The following EIF2AK3 variants were observed in gnomAD, a reference collection of about 807,000 sequenced individuals.
EIF2AK3 encodes the protein eukaryotic translation initiation factor 2 alpha kinase 3, also known as eukaryotic translation initiation factor 2-alpha kinase 3.
In EIF2AK3, 50 loss-of-function variants were observed where a neutral mutation model predicts 113.5. The observed-to-expected ratio is 0.44, with a 90% CI of 0.35 to 0.56. The LOEUF (loss-of-function observed/expected upper bound fraction) is 0.56, where lower values mean the gene tolerates loss of function less well. Ranked by LOEUF, EIF2AK3 falls within the 20% of genes least tolerant of loss-of-function variation. The pLI is 0.00. For missense variants in EIF2AK3, 1,185 were observed against 1,378.0 expected, an observed-to-expected ratio of 0.86 and a Z score of 2.22; for synonymous variants, 448 against 495.4, an observed-to-expected ratio of 0.90 and a Z score of 1.27.
Position 88,590,887 on chromosome 2 carries a change from C to A in EIF2AK3, c.933G>T (p.Lys311Asn). The change falls in exon 5 of 17, where the codon AAG (lysine) becomes AAT (asparagine). Residue 311 changes from lysine (K) to asparagine (N), a missense_variant. Around this residue, in one of 3 missense-constraint regions of EIF2AK3, gnomAD observed 877 missense variants for 1,024.2 expected, o/e 0.86. Transcript: ENST00000303236. ...TAACTTTCCAGTCAGCAACCGAAAC[C>A]TTTATCACTATGTCCATTATGGCAG... ...QEAAIMDIVI[K>N]VSVADWKVMA... 6.2e-7 allele frequency: 1 copy of A among 1,614,092 alleles called. No homozygotes were observed. The highest frequency in any genetic ancestry group is 1.3e-5 in the African/African-American group (1 of 75,032).
At chr2:88,567,167 CTG>C (rs1388448037) in intron 14 of EIF2AK3, among the ~76,000 whole-genome samples, 9 of 151,776 alleles carry the variant, frequency 5.9e-5, no homozygotes, top group Non-Finnish European at 2.9e-5. Flanking sequence ...CAAATAGCAA[CTG>C]TATATAAAGC....
At chr2:88,626,431 A>G (rs1675859982) in intron 1 of EIF2AK3, among the ~76,000 whole-genome samples, 1 of 152,162 alleles carries the variant, frequency 6.6e-6, no homozygotes, top group African/African-American at 2.4e-5. Context: ...GGCCTAGAAA[A>G]CTGTAGATTT....
intron 3 of EIF2AK3, chr2:88,593,841 G>A (rs1043970888): frequency 4.0e-5 from 38 of 950,764 alleles, no homozygotes; most frequent in Non-Finnish European, 4.7e-5. Flanking sequence ...AAAAGTAACT[G>A]CCTCAAATTT....
In EIF2AK3 at chr2:88,557,574, G is replaced by C. The variant is rs1290743394; in HGVS notation, c.*162C>G. 3 of 743,614 alleles carry C rather than the reference G, an allele frequency of 4.0e-6. No homozygotes were observed. The highest frequency in any genetic ancestry group is 2.3e-6 in the Non-Finnish European group (1 of 430,470). 46.1% of individuals were successfully genotyped at this position (743,614 alleles called of 1,614,324 possible). A position where few individuals can be genotyped will look rare whatever the true frequency, so the allele number is the denominator to read the frequency against. Reference sequence around the variant, plus strand: ...AAAACTCAGGAGTTGGCTCAAATTAGGTTATGCCCCCAAATCCAGCTTAAA... The same window carrying C: ...AAAACTCAGGAGTTGGCTCAAATTACGTTATGCCCCCAAATCCAGCTTAAA... On this transcript the variant is annotated 3_prime_UTR_variant, in exon 17 of 17. Coordinates refer to ENST00000303236, the MANE Select transcript of EIF2AK3 (RefSeq NM_004836.7).
At chr2:88,586,595 CTTTTTTTTTTT>C (rs533167763) in intron 8 of EIF2AK3, among the ~76,000 whole-genome samples, 1 of 119,930 alleles carries the variant, frequency 8.3e-6, no homozygotes, top group Admixed American at 8.3e-5. Flanking sequence ...TTTATCTTGC[CTTTTTTTTTTT>C]TTTTTTTTGA....
At chr2:88,587,384 T>TTAAA (rs1184637581) in intron 8 of EIF2AK3, among the ~76,000 whole-genome samples, 1 of 152,034 alleles carries the variant, frequency 6.6e-6, no homozygotes, top group Non-Finnish European at 1.5e-5. Context: ...ACACAACTGT[T>TTAAA]TAAAAGGCTT....
Position 88,605,391 on chromosome 2 carries a change from G to A in EIF2AK3, c.438+8333C>T, listed in dbSNP as rs145508257. Among the ~76,000 whole-genome samples, 61 of 152,288 alleles carry A rather than the reference G, an allele frequency of 4.0e-4. No individual in the cohort carries two copies. The East Asian group carries it at 0.01, about 26-fold the overall frequency. ...CACAAGTAAATTAAAGGCGGGAGCAGACAGAAAGCTTAATTATGCAAGGTC... is the reference window on the plus strand; with the variant it reads ...CACAAGTAAATTAAAGGCGGGAGCAAACAGAAAGCTTAATTATGCAAGGTC... On this transcript the variant is annotated intron_variant, in intron 2 of 16. Coordinates refer to ENST00000303236, the MANE Select transcript of EIF2AK3 (RefSeq NM_004836.7).
rs142357017 is a variant in EIF2AK3, at chr2:88,617,325, C to T, written c.309-3472G>A. Among the ~76,000 whole-genome samples the T allele has an allele frequency of 4.5e-4, 68 of 152,300 alleles. 1 individual carries two copies. Among genetic ancestry groups the T allele is most frequent in the African/African-American group, 1.6e-3 (65 of 41,558 alleles). ...CTATGCAGCCATAAAAAGATGAAAT[C>T]ATGTCCTTTGCAGCAACATGGAGGG... On this transcript the variant is annotated intron_variant, in intron 1 of 16. Transcript: ENST00000303236.
At chr2:88,616,766 T>G (rs368476617) in intron 1 of EIF2AK3, among the ~76,000 whole-genome samples, 224 of 152,292 alleles carry the variant, frequency 1.5e-3, no homozygotes, top group South Asian at 7.5e-3. Flanking sequence ...AGTTGTTCTA[T>G]GAATTCATTA....
At chr2:88,565,052 T>C (rs1674071923) in intron 14 of EIF2AK3, among the ~76,000 whole-genome samples, 1 of 151,918 alleles carries the variant, frequency 6.6e-6, no homozygotes. Context: ...TTTTTTTTTT[T>C]TGAGACGGAG....
intron 3 of EIF2AK3, 116 bp downstream of exon 3, chr2:88,595,353 A>G: frequency 6.8e-6 from 7 of 1,034,956 alleles, no homozygotes; most frequent in Non-Finnish European, 1.0e-5. Context: ...ACAAATGACA[A>G]CCTCAGGGGA....
At chr2:88,572,232 TC>T (rs977484672) in intron 13 of EIF2AK3, among the ~76,000 whole-genome samples, 9 of 152,220 alleles carry the variant, frequency 5.9e-5, no homozygotes, top group African/African-American at 2.2e-4. Context: ...TCATCTTTCT[TC>T]CCAACTCCCA....
intron 14 of EIF2AK3, among the ~76,000 whole-genome samples, chr2:88,564,058 T>G (rs751047950): frequency 9.2e-5 from 14 of 152,192 alleles, no homozygotes; most frequent in Non-Finnish European, 1.0e-4. Context: ...CATGAACGCA[T>G]GAAAAGTTAT....
rs1167045257 is a variant in EIF2AK3, at chr2:88,627,169, G to A, written c.106C>T (p.Leu36Phe). The A allele has an allele frequency of 1.4e-6, 2 of 1,440,770 alleles. No individual in the cohort carries two copies. The highest frequency in any genetic ancestry group is 1.5e-5 in the African/African-American group (1 of 67,234). 89.2% of individuals were successfully genotyped at this position (1,440,770 alleles called of 1,614,324 possible). A position where few individuals can be genotyped will look rare whatever the true frequency, so the allele number is the denominator to read the frequency against. Residue 36 changes from leucine (L) to phenylalanine (F), a missense_variant, in exon 1 of 17, where the codon CTC (leucine) becomes TTC (phenylalanine). Leu to Phe is a conservative substitution (Grantham distance 22, BLOSUM62 0). Transcript: ENST00000303236. Reference sequence around the variant, plus strand: ...GCCGCCTCCGCCGTCGGCGCTGGGAGGCCACGGGCGCGCCCCGCGGCCACC... The same window carrying A: ...GCCGCCTCCGCCGTCGGCGCTGGGAAGCCACGGGCGCGCCCCGCGGCCACC... ...RTVAAGRARGLPAPTAEAAFG... is the reference protein window; with the variant it reads ...RTVAAGRARGFPAPTAEAAFG...
chr2:88,576,463 T>TAA, intron 12 of EIF2AK3, 91 bp downstream of exon 12: 11 of 1,225,090 alleles, frequency 9.0e-6, no homozygotes, highest in South Asian at 7.6e-5. Context: ...TCCTTTTCTT[T>TAA]AAAAAAAAAA....
chr2:88,605,140 C>A (rs946361032), intron 2 of EIF2AK3, among the ~76,000 whole-genome samples: 2 of 152,122 alleles, frequency 1.3e-5, no homozygotes, highest in Non-Finnish European at 1.5e-5. Context: ...TTACTTTGAA[C>A]TTCTAAGGTA....
In EIF2AK3 at chr2:88,557,580, GC is replaced by G. The variant is rs1673813923; in HGVS notation, c.*155del. On this transcript the variant is annotated 3_prime_UTR_variant, in exon 17 of 17. Coordinates refer to ENST00000303236, the MANE Select transcript of EIF2AK3 (RefSeq NM_004836.7). Reference sequence around the variant, plus strand: ...CAGGAGTTGGCTCAAATTAGGTTATGCCCCCAAATCCAGCTTAAATTTGATA... The same window carrying G: ...CAGGAGTTGGCTCAAATTAGGTTATGCCCCAAATCCAGCTTAAATTTGATA... 5.2e-6 allele frequency: 4 copies of G among 769,598 alleles called. No individual in the cohort carries two copies. The highest frequency in any genetic ancestry group is 8.9e-6 in the Non-Finnish European group (4 of 449,602). The allele number at this position is 769,598 out of a possible 1,614,324, so 47.7% of individuals were successfully genotyped here.
At chr2:88,612,959 C>T (rs1410185138) in intron 2 of EIF2AK3, among the ~76,000 whole-genome samples, 1 of 152,106 alleles carries the variant, frequency 6.6e-6, no homozygotes, top group Non-Finnish European at 1.5e-5. Context: ...AAAAGATGGA[C>T]TTATTTTTAA....
At chr2:88,590,660 C>A in intron 5 of EIF2AK3, 55 bp from the exon 6 acceptor site, 3 of 1,592,836 alleles carry the variant, frequency 1.9e-6, no homozygotes, top group South Asian at 1.1e-5. Flanking sequence ...TTATATAGTT[C>A]CAACCCATAA....
Sources: gnomAD v4.1 joint callset for allele counts (sites outside exome capture counted in the v4.1 genomes callset) on GRCh38, gnomAD v4.1.1 for gene constraint, gnomAD v4.1.1 regional missense constraint, MANE v1.5 for transcripts, NCBI Gene and HGNC (gene_info 2026-07-23, HGNC 2026-07-21) for gene names.